The following CYTH3 variants were observed in gnomAD, a reference collection of about 807,000 sequenced individuals.
The protein encoded by CYTH3 is cytohesin-3.
A neutral mutation model predicts 55.1 loss-of-function variants in CYTH3; 23 were observed. That is an observed-to-expected ratio of 0.42 (90% CI 0.30 to 0.59). The LOEUF (loss-of-function observed/expected upper bound fraction) is 0.59. Among genes scored for constraint, CYTH3 ranks in the 20% least tolerant of loss-of-function variants. The pLI, the probability that CYTH3 is intolerant of heterozygous loss-of-function variation, is 0.20. For synonymous variants in CYTH3, 249 were observed against 194.9 expected (o/e 1.28, Z -2.31); for missense variants, 413 against 524.8 (o/e 0.79, Z 2.08).
At chr7:6,227,242 T>C (rs1053258627) in intron 1 of CYTH3, among the ~76,000 whole-genome samples, 13 of 152,202 alleles carry the variant, frequency 8.5e-5, no homozygotes, top group African/African-American at 2.4e-4. Flanking sequence ...AACAGATTGA[T>C]GGAAAAATTA....
At chr7:6,221,293 A>G (rs1024969348) in intron 1 of CYTH3, among the ~76,000 whole-genome samples, 1 of 152,236 alleles carries the variant, frequency 6.6e-6, no homozygotes, top group African/African-American at 2.4e-5. Context: ...CTGAATTTTT[A>G]AAAACCCAGA....
intron 1 of CYTH3, among the ~76,000 whole-genome samples, chr7:6,191,891 A>G (rs573187672): frequency 2.0e-5 from 3 of 152,258 alleles, no homozygotes; most frequent in African/African-American, 7.2e-5. Context: ...AGCCTGGGCA[A>G]TACAGTGGGA....
rs141979880 is a variant in CYTH3, at chr7:6,203,962, C to G, written c.35-13431G>C. Among the ~76,000 whole-genome samples the G allele has an allele frequency of 3.3e-5, 5 of 151,990 alleles. No homozygotes were observed. In the South Asian group the frequency reaches 1.0e-3, roughly 32 times the overall value. On this transcript the variant is annotated intron_variant, in intron 1 of 12. Transcript: ENST00000350796. ...TTGATCTCCTGACCTCGTGATCCAC[C>G]CGCCTCAGCCTCCCAAAGTGCTGGG...
At chr7:6,246,018 G>A (rs922400842) in intron 1 of CYTH3, among the ~76,000 whole-genome samples, 1 of 151,994 alleles carries the variant, frequency 6.6e-6, no homozygotes, top group African/African-American at 2.4e-5. Context: ...AAAGGTACTT[G>A]CTTCTTAAAG....
At chr7:6,203,616 G>C (rs1035879378) in intron 1 of CYTH3, among the ~76,000 whole-genome samples, 1 of 152,104 alleles carries the variant, frequency 6.6e-6, no homozygotes. Context: ...GCACTGTGTA[G>C]AAAAACATAA....
intron 1 of CYTH3, among the ~76,000 whole-genome samples, chr7:6,250,531 G>T (rs1779934780): frequency 6.6e-6 from 1 of 152,144 alleles, no homozygotes; most frequent in African/African-American, 2.4e-5. Flanking sequence ...CTGCAACACG[G>T]ATGAACCTGG....
At chr7:6,241,566 TTCTC>T (rs532959822) in intron 1 of CYTH3, among the ~76,000 whole-genome samples, 2 of 151,948 alleles carry the variant, frequency 1.3e-5, no homozygotes, top group Non-Finnish European at 2.9e-5. Context: ...TTCTGAAAAT[TTCTC>T]TCTCAGATAA....
chr7:6,235,497 T>G (rs1381090720), intron 1 of CYTH3, among the ~76,000 whole-genome samples: 3 of 150,424 alleles, frequency 2.0e-5, no homozygotes, highest in Non-Finnish European at 3.0e-5. Flanking sequence ...AAAAACTGCT[T>G]AGTGCTTGCT....
At position 6,259,771 on chromosome 7, in the gene CYTH3, ATTATATATATAT is replaced by A. The variant is rs1780256545; in HGVS notation, c.34+12691_34+12702del. Reference sequence around the variant, plus strand: ...ATATATATATATTATATATATATATATTATATATATATAATATATATATATATATATATATAT... The same window carrying A: ...ATATATATATATTATATATATATATAAATATATATATATATATATATATAT... On this transcript the variant is annotated intron_variant, in intron 1 of 12. Transcript: ENST00000350796. Among the ~76,000 whole-genome samples the A allele has an allele frequency of 1.3e-4, 3 of 22,348 alleles. 1 individual carries two copies. Among genetic ancestry groups the A allele is most frequent in the African/African-American group, 8.6e-4 (2 of 2,318 alleles). The allele number at this position is 22,348 out of a possible 152,430, so 14.7% of individuals were successfully genotyped here.
chr7:6,221,371 A>C (rs1299894770), intron 1 of CYTH3, among the ~76,000 whole-genome samples: 1 of 152,212 alleles, frequency 6.6e-6, no homozygotes. Context: ...AAATGATAAC[A>C]TCTCAGAGGT....
chr7:6,175,491 T>C (rs751052170), intron 5 of CYTH3, among the ~76,000 whole-genome samples: 8 of 152,098 alleles, frequency 5.3e-5, no homozygotes, highest in Non-Finnish European at 1.2e-4. Flanking sequence ...TTCCATCATT[T>C]ATGTATGTGT....
chr7:6,175,322 T>A (rs949612768), intron 5 of CYTH3, among the ~76,000 whole-genome samples: 4 of 152,182 alleles, frequency 2.6e-5, no homozygotes, highest in Non-Finnish European at 5.9e-5. Flanking sequence ...TCTTGATGTC[T>A]TCTGAAGCAC....
chr7:6,251,161 G>C lies in CYTH3; in HGVS notation c.34+21313C>G, dbSNP rs187905621. 4.1e-3 allele frequency among the ~76,000 whole-genome samples: 621 copies of C among 152,274 alleles called. 3 individuals are homozygous for C. Among genetic ancestry groups the C allele is most frequent in the African/African-American group, 0.014 (581 of 41,546 alleles). On this transcript the variant is annotated intron_variant, in intron 1 of 12. Transcript: ENST00000350796. Reference sequence around the variant, plus strand: ...GTGGTGGCGGGCGCCTGTAGTCTCAGCTACTTCAGAAGTTGAAGCAGGAGA... The same window carrying C: ...GTGGTGGCGGGCGCCTGTAGTCTCACCTACTTCAGAAGTTGAAGCAGGAGA...
chr7:6,237,766 C>T (rs1779563397), intron 1 of CYTH3, among the ~76,000 whole-genome samples: 1 of 152,054 alleles, frequency 6.6e-6, no homozygotes, highest in Non-Finnish European at 1.5e-5. Context: ...AGTATTATTG[C>T]CAATTAGAAG....
intron 1 of CYTH3, among the ~76,000 whole-genome samples, chr7:6,257,675 T>C (rs1263882333): frequency 6.6e-6 from 1 of 152,238 alleles, no homozygotes; most frequent in Non-Finnish European, 1.5e-5. Context: ...AAAAGGTGTT[T>C]TTCTCTTCGC....
chr7:6,268,039 T>C (rs1172104056), intron 1 of CYTH3, among the ~76,000 whole-genome samples: 2 of 152,192 alleles, frequency 1.3e-5, no homozygotes, highest in Non-Finnish European at 2.9e-5. Flanking sequence ...TCTTCCCCAA[T>C]CAGGTAACCA....
intron 1 of CYTH3, among the ~76,000 whole-genome samples, chr7:6,220,692 T>C (rs935933160): frequency 2.0e-5 from 3 of 152,020 alleles, no homozygotes; most frequent in African/African-American, 7.2e-5. Context: ...TTTGGCATTT[T>C]CTTATAAAAC....
chr7:6,271,076 C>A (rs1780637358), intron 1 of CYTH3, among the ~76,000 whole-genome samples: 1 of 150,494 alleles, frequency 6.6e-6, no homozygotes, highest in African/African-American at 2.5e-5. Context: ...CCACCGGGAA[C>A]CCATTCCTTA....
intron 5 of CYTH3, 137 bp downstream of exon 5, chr7:6,177,686 C>T (rs1017079823): frequency 1.8e-5 from 12 of 677,730 alleles, no homozygotes; most frequent in Admixed American, 7.0e-5. Context: ...GGTATTGAGA[C>T]GGGCATGTGG....
Sources: gnomAD v4.1 joint callset for allele counts (sites outside exome capture counted in the v4.1 genomes callset) on GRCh38, gnomAD v4.1.1 for gene constraint, MANE v1.5 for transcripts, NCBI Gene and HGNC (gene_info 2026-07-23, HGNC 2026-07-21) for gene names.